Variants in BRCA2 observed in about 807,000 individuals in gnomAD.
The protein encoded by BRCA2 is breast cancer type 2 susceptibility protein.
In BRCA2, 203 loss-of-function variants were observed where a neutral mutation model predicts 276.7. The observed-to-expected ratio is 0.73, with a 90% CI of 0.65 to 0.82. The LOEUF (loss-of-function observed/expected upper bound fraction) is 0.82. Among genes scored for constraint, BRCA2 ranks in the 40% least tolerant of loss-of-function variants. The pLI, the probability that BRCA2 is intolerant of heterozygous loss-of-function variation, is 0.00. For synonymous variants in BRCA2, 1,289 were observed against 1,338.4 expected (o/e 0.96, Z 0.81); for missense variants, 3,920 against 3,915.0 (o/e 1.00, Z -0.03).
intron 18 of BRCA2, among the ~76,000 whole-genome samples, chr13:32,369,553 T>C (rs1316656465): frequency 6.6e-6 from 1 of 152,158 alleles, no homozygotes; most frequent in Non-Finnish European, 1.5e-5. Context: ...AGATGAGTCT[T>C]CAGATTATTG....
At chr13:32,382,501 G>C (rs909495073) in intron 24 of BRCA2, among the ~76,000 whole-genome samples, 6 of 152,220 alleles carry the variant, frequency 3.9e-5, no homozygotes, top group African/African-American at 1.4e-4. Context: ...GAGTGATTAA[G>C]TCTGCCAAAT....
Position 32,391,943 on chromosome 13 carries a change from T to C in BRCA2, c.9257-2746T>C, listed in dbSNP as rs74047019. 2.6e-3 allele frequency among the ~76,000 whole-genome samples: 391 copies of C among 152,328 alleles called. 2 individuals carry two copies. Among genetic ancestry groups the C allele is most frequent in the African/African-American group, 8.8e-3 (367 of 41,582 alleles). ...ACTTTTTATTTTTCTGTATTCTAAATGTTTTTCAATAAACATGTATTTTAT... is the reference window on the plus strand; with the variant it reads ...ACTTTTTATTTTTCTGTATTCTAAACGTTTTTCAATAAACATGTATTTTAT... On this transcript the variant is annotated intron_variant, in intron 24 of 26. Coordinates refer to ENST00000380152, the MANE Select transcript of BRCA2 (RefSeq NM_000059.4).
At chr13:32,350,701 C>T (rs775730843) in intron 13 of BRCA2, among the ~76,000 whole-genome samples, 4 of 151,480 alleles carry the variant, frequency 2.6e-5, no homozygotes, top group South Asian at 2.1e-4. Context: ...TTCAGTGAGC[C>T]GAGATTGCAC....
chr13:32,365,952 A>G (rs147041420), intron 18 of BRCA2, among the ~76,000 whole-genome samples: 5 of 149,814 alleles, frequency 3.3e-5, no homozygotes, highest in Non-Finnish European at 5.9e-5. Flanking sequence ...CTTTTCTCCT[A>G]CTTTCTATTT....
chr13:32,364,909 T>C (rs1160571711), intron 18 of BRCA2, among the ~76,000 whole-genome samples: 1 of 152,162 alleles, frequency 6.6e-6, no homozygotes, highest in Admixed American at 6.5e-5. Flanking sequence ...GGTTTCCATG[T>C]CATCTTTCTA....
chr13:32,376,560 G>A (rs2072873190), intron 20 of BRCA2, 110 bp from the exon 21 acceptor site: 1 of 1,217,610 alleles, frequency 8.2e-7, no homozygotes, highest in Non-Finnish European at 1.2e-6. Context: ...CAGTTATATA[G>A]TTTCTTATCT....
At chr13:32,352,112 T>C (rs1474300271) in intron 13 of BRCA2, among the ~76,000 whole-genome samples, 2 of 152,128 alleles carry the variant, frequency 1.3e-5, no homozygotes, top group Non-Finnish European at 2.9e-5. Flanking sequence ...AATGTTACCT[T>C]TTCAAAAACA....
intron 18 of BRCA2, among the ~76,000 whole-genome samples, chr13:32,365,007 G>T (rs1169585827): frequency 2.6e-5 from 4 of 151,730 alleles, no homozygotes. Context: ...CTTAGGGTAA[G>T]GTTGGCTGGA....
Position 32,376,642 on chromosome 13 carries a change from TGAATTAATAATCCTTTTGTTTTCTTA to T in BRCA2, c.8633-24_8634del, listed in dbSNP as rs886040945. 1.9e-6 allele frequency: 3 copies of T among 1,611,584 alleles called. No individual in the cohort carries two copies. The highest frequency in any genetic ancestry group is 2.5e-6 in the Non-Finnish European group (3 of 1,178,010). ...AGTTGCTTTTGAATTTACAGTTTAG[TGAATTAATAATCCTTTTGTTTTCTTA>T]GAAAACACAACAAAACCATATTTAC... is the stretch of plus-strand genomic sequence containing the variant. On this transcript the variant is annotated splice_acceptor_variant and splice_polypyrimidine_tract_variant and intron_variant, in intron 20 of 26. Coordinates refer to ENST00000380152, the MANE Select transcript of BRCA2 (RefSeq NM_000059.4). LOFTEE classifies it high-confidence loss of function.
rs2072912764 is a variant in BRCA2, at chr13:32,380,025, T to C, written c.9136T>C (p.Phe3046Leu). ...TCTGTAGGTTTCAGATGAAATTTTA[T>C]TTCAGATTTACCAGCCACGGGAGCC... is the stretch of plus-strand genomic sequence containing the variant. Reference protein sequence around the residue: ...QQLPVSDEILFQIYQPREPLH... With the variant: ...QQLPVSDEILLQIYQPREPLH... Residue 3046 changes from phenylalanine (F) to leucine (L), a missense_variant, in exon 24 of 27, where the codon TTT becomes CTT. By Grantham distance (22) the Phe-to-Leu change is conservative. Transcript: ENST00000380152. 1 of 1,614,110 alleles carries C rather than the reference T, an allele frequency of 6.2e-7. No individual in the cohort carries two copies. The highest frequency in any genetic ancestry group is 8.5e-7 in the Non-Finnish European group (1 of 1,179,998).
chr13:32,398,899 C>T lies in BRCA2; in HGVS notation c.*129C>T. The T allele has an allele frequency of 7.9e-7, 1 of 1,271,580 alleles. No individual in the cohort carries two copies. Among genetic ancestry groups the T allele is most frequent in the South Asian group, 1.6e-5 (1 of 63,580 alleles). 78.8% of individuals were successfully genotyped at this position (1,271,580 alleles called of 1,614,324 possible). A position where few individuals can be genotyped will look rare whatever the true frequency, so the allele number is the denominator to read the frequency against. Reference sequence around the variant, plus strand: ...GAAAAGAAATTAGTTTCAAATTTACCTCAGCGTTTGTGTATCGGGCAAAAA... The same window carrying T: ...GAAAAGAAATTAGTTTCAAATTTACTTCAGCGTTTGTGTATCGGGCAAAAA... On this transcript the variant is annotated 3_prime_UTR_variant, in exon 27 of 27. Coordinates refer to ENST00000380152, the MANE Select transcript of BRCA2 (RefSeq NM_000059.4).
chr13:32,359,222 G>A lies in BRCA2; in HGVS notation c.7805+1293G>A, dbSNP rs532967407. ...GGGCAACAGTGAGACTCCATCTCAA[G>A]AAAAAAAAAAAAAAAAAAAAAGAAA... On this transcript the variant is annotated intron_variant, in intron 16 of 26. Coordinates refer to ENST00000380152, the MANE Select transcript of BRCA2 (RefSeq NM_000059.4). Among the ~76,000 whole-genome samples, 887 of 107,286 alleles carry A rather than the reference G, an allele frequency of 8.3e-3. No homozygotes were observed. Among genetic ancestry groups the A allele is most frequent in the African/African-American group, 0.011 (302 of 28,484 alleles). 70.4% of individuals were successfully genotyped at this position (107,286 alleles called of 152,430 possible). A position where few individuals can be genotyped will look rare whatever the true frequency, so the allele number is the denominator to read the frequency against.
chr13:32,381,251 A>G (rs11571772), intron 24 of BRCA2, among the ~76,000 whole-genome samples: 25 of 152,242 alleles, frequency 1.6e-4, no homozygotes, highest in Non-Finnish European at 8.8e-5. Flanking sequence ...AACAAAACAG[A>G]TAAGAATCCC....
chr13:32,391,991 T>G (rs1174966012), intron 24 of BRCA2, among the ~76,000 whole-genome samples: 1 of 152,204 alleles, frequency 6.6e-6, no homozygotes, highest in African/African-American at 2.4e-5. Flanking sequence ...CAAGATATAT[T>G]TAAAAAGGAC....
chr13:32,385,449 T>A (rs1241898315), intron 24 of BRCA2: 1 of 212,502 alleles, frequency 4.7e-6, no homozygotes, highest in African/African-American at 2.3e-5. Flanking sequence ...ATGTCTTCTC[T>A]TCTTACTGAA....
intron 7 of BRCA2, among the ~76,000 whole-genome samples, chr13:32,327,531 G>C (rs947600510): frequency 6.6e-6 from 1 of 151,728 alleles, no homozygotes; most frequent in Non-Finnish European, 1.5e-5. Context: ...TTAGCTGGGC[G>C]TGGTGGCAGA....
intron 24 of BRCA2, chr13:32,384,521 T>G (rs1310977798): frequency 6.5e-6 from 1 of 153,922 alleles, no homozygotes; most frequent in African/African-American, 2.4e-5. Context: ...TGGGGGAGCC[T>G]GTGCTTGTTA....
At chr13:32,385,154 A>T (rs2072950108) in intron 24 of BRCA2, 1 of 222,418 alleles carries the variant, frequency 4.5e-6, no homozygotes, top group Non-Finnish European at 9.5e-6. Context: ...GCCTGCTTTG[A>T]AAAGGATCTG....
Position 32,398,142 on chromosome 13 carries a change from C to T in BRCA2, c.9649-20C>T, listed in dbSNP as rs56177715. 165 of 1,596,084 alleles carry T rather than the reference C, an allele frequency of 1.0e-4. No homozygotes were observed. The highest frequency in any genetic ancestry group is 1.7e-4 in the Middle Eastern group (1 of 6,042). ...GTTACTACATAATTATGATAGGCTA[C>T]GTTTTCATTTTTTTATCAGATGTCT... On this transcript the variant is annotated intron_variant, in intron 26 of 26. Transcript: ENST00000380152.
Sources: allele counts gnomAD v4.1 joint callset (sites outside exome capture counted in the v4.1 genomes callset), GRCh38; gene constraint gnomAD v4.1.1; transcripts MANE v1.5; gene names NCBI Gene and HGNC (gene_info 2026-07-23, HGNC 2026-07-21).